MICALL2: variants seen among roughly 807,000 people sequenced by gnomAD.
The protein encoded by MICALL2 is MICAL-like protein 2.
In MICALL2, 111 loss-of-function variants were observed where a neutral mutation model predicts 91.1. The ratio of observed to expected loss-of-function variants is 1.22; its 90% CI spans 1.04 to 1.43. The LOEUF (loss-of-function observed/expected upper bound fraction) is 1.43, where lower values mean the gene tolerates loss of function less well. MICALL2 is among the 40% of genes most tolerant of loss of function. MICALL2 has a pLI of 0.00. For synonymous variants in MICALL2, 694 were observed against 525.3 expected, an observed-to-expected ratio of 1.32 and a Z score of -4.39; for missense variants, 1,556 against 1,236.0, an observed-to-expected ratio of 1.26 and a Z score of -3.88.
rs755314038 is a variant in MICALL2 at position 1,436,771 on chromosome 7, G to A, written c.2562C>T (p.Ile854=). ...GCCGGTCCTCGTCCAGCGAGTCCAC[G>A]ATGTCACTGCGGTCGTTCACGGTGC... ...YVSTVNDRSD[I]VDSLDEDRLR... is the part of the protein sequence containing the mutation. The change falls in exon 15 of 17, where the codon ATC becomes ATT. Residue 854 remains isoleucine (I), a synonymous_variant. Transcript: ENST00000297508. The A allele has an allele frequency of 8.1e-6, 13 of 1,608,096 alleles. No individual in the cohort carries two copies. Among genetic ancestry groups the A allele is most frequent in the Middle Eastern group, 1.7e-4 (1 of 6,050 alleles).
At chr7:1,436,358 G>T (rs1332662572) in intron 15 of MICALL2, among the ~76,000 whole-genome samples, 1 of 151,422 alleles carries the variant, frequency 6.6e-6, no homozygotes, top group Non-Finnish European at 1.5e-5. Flanking sequence ...CTCCAGCCTG[G>T]GCAACAGGAG....
At chr7:1,449,241 G>A (rs779041767) in intron 2 of MICALL2, among the ~76,000 whole-genome samples, 8 of 152,266 alleles carry the variant, frequency 5.3e-5, no homozygotes, top group Non-Finnish European at 1.2e-4. Flanking sequence ...AGCAGCCGCC[G>A]GCCAGGCATG....
intron 6 of MICALL2, among the ~76,000 whole-genome samples, chr7:1,443,407 C>T (rs760819546): frequency 2.0e-5 from 3 of 152,138 alleles, no homozygotes; most frequent in Non-Finnish European, 2.9e-5. Flanking sequence ...CCCCACGATA[C>T]GGGGCAGGAA....
intron 7 of MICALL2, chr7:1,441,082 T>C (rs970458374): frequency 4.5e-6 from 1 of 222,982 alleles, no homozygotes; most frequent in African/African-American, 2.2e-5. Context: ...GCTTTAACAA[T>C]GAGAACTCAG....
intron 3 of MICALL2, 41 bp downstream of exon 3, chr7:1,448,579 G>A (rs372709682): frequency 3.2e-5 from 51 of 1,609,802 alleles, no homozygotes; most frequent in Non-Finnish European, 3.9e-5. Context: ...AGGATGGGGG[G>A]CCTGGTCCTG....
Position 1,445,098 on chromosome 7 carries a change from C to T in MICALL2, c.972G>A (p.Glu324=). Reference sequence around the variant, plus strand: ...CCGTGGGAGTGGGGGCCAGGCGGCTCTCAGAGGGCCTGGCTGGGCTCCTCA... The same window carrying T: ...CCGTGGGAGTGGGGGCCAGGCGGCTTTCAGAGGGCCTGGCTGGGCTCCTCA... The part of the protein sequence containing the change: ...VHVRSPARPS[E]SRLAPTPTEG... The change falls in exon 6 of 17, where the codon GAG becomes GAA. Residue 324 remains glutamate, a synonymous_variant. Coordinates refer to ENST00000297508, the MANE Select transcript of MICALL2 (RefSeq NM_182924.4). 1 of 1,553,262 alleles carries T rather than the reference C, an allele frequency of 6.4e-7. No homozygotes were observed. Among genetic ancestry groups the T allele is most frequent in the Non-Finnish European group, 8.7e-7 (1 of 1,149,228 alleles).
intron 5 of MICALL2, among the ~76,000 whole-genome samples, chr7:1,445,719 T>C (rs531151908): frequency 9.7e-4 from 147 of 152,150 alleles, no homozygotes; most frequent in African/African-American, 3.4e-3. Flanking sequence ...CCCCAGAGGG[T>C]GCTTGTGCAG....
At position 1,444,531 on chromosome 7, in the gene MICALL2, T is replaced by G. The variant is rs543979507; in HGVS notation, c.1418+121A>C. ...AGAGAAGGAAACAGGCTGGGGGAAG[T>G]GCAGTCCCCAAGGCCACACAGCCAG... is the stretch of plus-strand genomic sequence containing the variant. On this transcript the variant is annotated intron_variant, in intron 6 of 16. Transcript: ENST00000297508. The G allele has an allele frequency of 4.5e-5, 43 of 959,658 alleles. No homozygotes were observed. In the African/African-American group the frequency reaches 7.1e-4, roughly 16 times the overall value. 59.4% of individuals were successfully genotyped at this position (959,658 alleles called of 1,614,324 possible). A position where few individuals can be genotyped will look rare whatever the true frequency, so the allele number is the denominator to read the frequency against.
In MICALL2 at chr7:1,437,933, C is replaced by A; in HGVS notation, c.2359G>T (p.Glu787Ter). ...LMVDWFWLIHEKQLLLRQESE... is the reference protein window; with the variant it reads ...LMVDWFWLIH ...TCCTGTCTCAGCAGAAGCTGCTTCT[C>A]GTGAATGAGCCAGAACCAGTCCACC... Residue 787 changes from glutamate to a stop codon, truncating the protein, a stop_gained, in exon 13 of 17, where the codon GAG (glutamate) becomes TAG (stop). Transcript: ENST00000297508. LOFTEE classifies it high-confidence loss of function. 1 of 1,549,702 alleles carries A rather than the reference C, an allele frequency of 6.5e-7. No individual in the cohort carries two copies. The highest frequency in any genetic ancestry group is 8.7e-7 in the Non-Finnish European group (1 of 1,147,004).
Position 1,456,836 on chromosome 7 carries a change from G to A in MICALL2, c.143+2348C>T, listed in dbSNP as rs369680484. On this transcript the variant is annotated intron_variant, in intron 1 of 16. Coordinates refer to ENST00000297508, the MANE Select transcript of MICALL2 (RefSeq NM_182924.4). ...TGTCCCCACACCCTGGTGCACACCC[G>A]ACCCCCATGACACTCCGGGTTTTCC... 7.2e-5 allele frequency among the ~76,000 whole-genome samples: 11 copies of A among 152,026 alleles called. No homozygotes were observed. The East Asian group carries it at 9.6e-4, about 13-fold the overall frequency.
chr7:1,444,032 G>A (rs936216538), intron 6 of MICALL2, among the ~76,000 whole-genome samples: 1 of 150,284 alleles, frequency 6.7e-6, no homozygotes, highest in African/African-American at 2.5e-5. Context: ...ACCTGTCCCC[G>A]CGTCCACTCA....
rs1214412829 is a variant in MICALL2 at position 1,437,716 on chromosome 7, GGCCTGACTCGCC to G, written c.2403-120_2403-109del. The stretch of plus-strand genomic sequence containing the variant: ...ACCTGCCACACAGACACGAGTCTGA[GGCCTGACTCGCC>G]GCCCGTCCCCCGCCTGGCCCACCCA... On this transcript the variant is annotated intron_variant, in intron 13 of 16. Coordinates refer to ENST00000297508, the MANE Select transcript of MICALL2 (RefSeq NM_182924.4). 1.7e-5 allele frequency: 22 copies of G among 1,321,960 alleles called. No homozygotes were observed. The Admixed American group carries it at 4.4e-4, about 26-fold the overall frequency. 81.9% of individuals were successfully genotyped at this position (1,321,960 alleles called of 1,614,324 possible). A position where few individuals can be genotyped will look rare whatever the true frequency, so the allele number is the denominator to read the frequency against.
At position 1,445,036 on chromosome 7, in the gene MICALL2, G is replaced by C. The variant is rs202218896; in HGVS notation, c.1034C>G (p.Pro345Arg). ...CGGGGCAGCTGACGACCAGCCCATCGGGGAGCTATTGGTCACACGAGGGCG... is the reference window on the plus strand; with the variant it reads ...CGGGGCAGCTGACGACCAGCCCATCCGGGAGCTATTGGTCACACGAGGGCG... ...KVRPRVTNSS[P>R]MGWSSAAPCT... is the part of the protein sequence containing the mutation. Residue 345 changes from proline to arginine, a missense_variant, in exon 6 of 17, where the codon CCG (proline) becomes CGG (arginine). Physicochemically the swap from Pro to Arg is moderately radical, Grantham distance 103 (BLOSUM62 -2). Transcript: ENST00000297508. 4.6e-6 allele frequency: 7 copies of C among 1,535,930 alleles called. No individual in the cohort carries two copies. The highest frequency in any genetic ancestry group is 6.1e-6 in the Non-Finnish European group (7 of 1,139,726).
At chr7:1,437,107 A>G in intron 14 of MICALL2, 1 of 483,672 alleles carries the variant, frequency 2.1e-6, no homozygotes, top group Non-Finnish European at 3.6e-6. Flanking sequence ...ATGGACACTG[A>G]GGCTCAGGGC....
intron 5 of MICALL2, among the ~76,000 whole-genome samples, chr7:1,445,930 C>T (rs1780554432): frequency 6.6e-6 from 1 of 151,388 alleles, no homozygotes; most frequent in Non-Finnish European, 1.5e-5. Context: ...CTGGGGATGG[C>T]CACTGAGTAC....
At chr7:1,439,227 G>C (rs1046931390) in intron 9 of MICALL2, 1 of 527,504 alleles carries the variant, frequency 1.9e-6, no homozygotes, top group Non-Finnish European at 3.4e-6. Flanking sequence ...AGGTCACACA[G>C]GAAGTGGCAC....
chr7:1,453,576 G>A (rs184697994), intron 1 of MICALL2, among the ~76,000 whole-genome samples: 9 of 152,218 alleles, frequency 5.9e-5, no homozygotes, highest in African/African-American at 2.2e-4. Context: ...TGTCCTTGCC[G>A]GACAAAAATG....
At chr7:1,457,068 T>G (rs544708983) in intron 1 of MICALL2, among the ~76,000 whole-genome samples, 1 of 152,292 alleles carries the variant, frequency 6.6e-6, no homozygotes, top group East Asian at 1.9e-4. Flanking sequence ...GGGTCCTTCC[T>G]GCCTCTTCCA....
chr7:1,438,066 G>T, intron 12 of MICALL2, 31 bp downstream of exon 12: 1 of 1,568,000 alleles, frequency 6.4e-7, no homozygotes, highest in Non-Finnish European at 8.6e-7. Context: ...GTGGGAGTCG[G>T]GCTGGCCCAG....
Sources: gnomAD v4.1 joint callset for allele counts (sites outside exome capture counted in the v4.1 genomes callset) on GRCh38, gnomAD v4.1.1 for gene constraint, MANE v1.5 for transcripts, NCBI Gene and HGNC (gene_info 2026-07-23, HGNC 2026-07-21) for gene names.